Variants in LSAMP observed in about 807,000 individuals in gnomAD.
LSAMP encodes the protein limbic system-associated membrane protein.
A neutral mutation model predicts 38.6 loss-of-function variants in LSAMP; 7 were observed. The observed-to-expected ratio is 0.18, with a 90% CI of 0.10 to 0.34. LSAMP has a LOEUF of 0.34. LSAMP is among the 10% of genes least tolerant of loss of function. LSAMP has a pLI of 1.00. For synonymous variants in LSAMP, 154 were observed against 166.8 expected, an observed-to-expected ratio of 0.92 and a Z score of 0.59; for missense variants, 313 against 420.0, an observed-to-expected ratio of 0.75 and a Z score of 2.23.
chr3:115,869,270 G>A (rs1935952176), intron 3 of LSAMP, among the ~76,000 whole-genome samples: 3 of 90,362 alleles, frequency 3.3e-5, no homozygotes, highest in Admixed American at 1.1e-4. Context: ...CTTGGAGGGG[G>A]AGAGAGAGAG....
In LSAMP at chr3:116,139,782, A is replaced by T. The variant is rs544271336; in HGVS notation, c.156-53226T>A. Among the ~76,000 whole-genome samples, 4 of 152,124 alleles carry T rather than the reference A, an allele frequency of 2.6e-5. No homozygotes were observed. The South Asian group carries it at 8.3e-4, about 31-fold the overall frequency. On this transcript the variant is annotated intron_variant, in intron 1 of 6. Transcript: ENST00000490035. ...GAATGGGAAAGATGCAGCTAGAGACAACAAACTGCTCTCTGTTCTTTTGCT... is the reference window on the plus strand; with the variant it reads ...GAATGGGAAAGATGCAGCTAGAGACTACAAACTGCTCTCTGTTCTTTTGCT...
intron 2 of LSAMP, among the ~76,000 whole-genome samples, chr3:116,051,547 A>C (rs1342182826): frequency 1.3e-5 from 2 of 152,104 alleles, no homozygotes; most frequent in Non-Finnish European, 2.9e-5. Context: ...AACAACCCTT[A>C]CTTTGGAGAG....
In LSAMP at chr3:116,204,010, C is replaced by T. The variant is rs1263840082; in HGVS notation, c.156-117454G>A. ...AACAATGGTTGAACTAGTTTACAGT[C>T]CCACCAACAGTGTAAAAGTGTTCCT... On this transcript the variant is annotated intron_variant, in intron 1 of 6. Transcript: ENST00000490035. 4.6e-5 allele frequency among the ~76,000 whole-genome samples: 7 copies of T among 151,912 alleles called. No individual in the cohort carries two copies. The East Asian group carries it at 1.4e-3, about 30-fold the overall frequency.
At chr3:116,115,187 T>C (rs1370227414) in intron 1 of LSAMP, among the ~76,000 whole-genome samples, 1 of 152,248 alleles carries the variant, frequency 6.6e-6, no homozygotes, top group Admixed American at 6.5e-5. Flanking sequence ...TTACTTTCAA[T>C]GCAGAATGAA....
chr3:115,977,769 T>G (rs1939233909), intron 3 of LSAMP, among the ~76,000 whole-genome samples: 1 of 151,432 alleles, frequency 6.6e-6, no homozygotes, highest in Admixed American at 6.6e-5. Context: ...TTCCTCTGTC[T>G]CTCTTTTTCT....
At position 115,842,484 on chromosome 3, in the gene LSAMP, G is replaced by T; in HGVS notation, c.744C>A (p.Asp248Glu). The T allele has an allele frequency of 6.2e-7, 1 of 1,614,002 alleles. No homozygotes were observed. ...KCEASAVPAP[D>E]FEWYRDDTRI... Reference sequence around the variant, plus strand: ...TAGTGTCATCCCGGTACCACTCAAAGTCAGGTGCAGGCACTGCCGAGGCCT... The same window carrying T: ...TAGTGTCATCCCGGTACCACTCAAATTCAGGTGCAGGCACTGCCGAGGCCT... The change falls in exon 5 of 7, where the codon GAC becomes GAA. Residue 248 changes from aspartate (D) to glutamate (E), a missense_variant. Asp to Glu is a conservative substitution (Grantham distance 45). Coordinates refer to ENST00000490035, the MANE Select transcript of LSAMP (RefSeq NM_002338.5).
At chr3:116,178,287 C>T (rs1278401947) in intron 1 of LSAMP, among the ~76,000 whole-genome samples, 2 of 152,130 alleles carry the variant, frequency 1.3e-5, no homozygotes, top group Non-Finnish European at 2.9e-5. Context: ...CTGCCTCAGC[C>T]TCCCGAGAAC....
At chr3:115,930,003 T>TTTTTTTTG in intron 3 of LSAMP, among the ~76,000 whole-genome samples, 1 of 7,498 alleles carries the variant, frequency 1.3e-4, no homozygotes, top group Non-Finnish European at 4.0e-4. Context: ...TTAGCAGAAG[T>TTTTTTTTG]TTTTTTTTTT....
At chr3:116,187,735 C>T (rs1323989364) in intron 1 of LSAMP, among the ~76,000 whole-genome samples, 1 of 152,176 alleles carries the variant, frequency 6.6e-6, no homozygotes, top group Non-Finnish European at 1.5e-5. Flanking sequence ...AAAGGTATAT[C>T]ACATTCTGAT....
intron 6 of LSAMP, among the ~76,000 whole-genome samples, chr3:115,821,172 G>A (rs988532713): frequency 2.0e-5 from 3 of 152,032 alleles, no homozygotes; most frequent in Non-Finnish European, 2.9e-5. Context: ...AAAAATTCAA[G>A]TGAGTGTTGC....
At chr3:116,158,469 A>G (rs72961517) in intron 1 of LSAMP, among the ~76,000 whole-genome samples, 5,218 of 152,236 alleles carry the variant, frequency 0.034, 232 homozygotes, top group African/African-American at 0.1. Context: ...CCCAAAGTTT[A>G]CTTTATCTGA....
chr3:116,142,900 C>T (rs1709404115), intron 1 of LSAMP, among the ~76,000 whole-genome samples: 1 of 151,790 alleles, frequency 6.6e-6, no homozygotes, highest in Non-Finnish European at 1.5e-5. Context: ...AAGTTTGTGT[C>T]CTCGTTCATA....
At chr3:116,099,166 A>G (rs955900407) in intron 1 of LSAMP, among the ~76,000 whole-genome samples, 3 of 152,250 alleles carry the variant, frequency 2.0e-5, no homozygotes, top group African/African-American at 7.2e-5. Context: ...CAGATGCTTC[A>G]GGATGAAGGT....
At chr3:116,123,607 G>T (rs1238371530) in intron 1 of LSAMP, among the ~76,000 whole-genome samples, 1 of 152,162 alleles carries the variant, frequency 6.6e-6, no homozygotes, top group Non-Finnish European at 1.5e-5. Flanking sequence ...TAAAACCATT[G>T]TGAATCAAAA....
At chr3:116,248,266 A>C (rs1386557554) in intron 1 of LSAMP, among the ~76,000 whole-genome samples, 1 of 152,146 alleles carries the variant, frequency 6.6e-6, no homozygotes, top group Non-Finnish European at 1.5e-5. Flanking sequence ...ACCTTTCAGG[A>C]CCTTGAAGGA....
intron 1 of LSAMP, among the ~76,000 whole-genome samples, chr3:116,243,620 G>T (rs1251718729): frequency 6.6e-6 from 1 of 152,102 alleles, no homozygotes; most frequent in Non-Finnish European, 1.5e-5. Context: ...GAGAACTCAA[G>T]AATTCTTATG....
intron 1 of LSAMP, among the ~76,000 whole-genome samples, chr3:116,238,174 A>C (rs924522774): frequency 5.3e-5 from 8 of 152,160 alleles, no homozygotes; most frequent in Non-Finnish European, 1.0e-4. Context: ...ATCAATCCTC[A>C]TAGGATCCCC....
chr3:116,071,518 A>G (rs968159150), intron 2 of LSAMP, among the ~76,000 whole-genome samples: 10 of 152,218 alleles, frequency 6.6e-5, no homozygotes, highest in African/African-American at 2.4e-4. Context: ...ATGAGTACAT[A>G]TGATATATTG....
In LSAMP at chr3:116,107,210, C is replaced by T. The variant is rs13069061; in HGVS notation, c.156-20654G>A. On this transcript the variant is annotated intron_variant, in intron 1 of 6. Transcript: ENST00000490035. ...TAATGTGGGAGGCTGGATTGAAGTC[C>T]GGGCCAGGAACAATGGTAATTGTGG... Among the ~76,000 whole-genome samples the T allele has an allele frequency of 2.6e-4, 40 of 152,126 alleles. No homozygotes were observed. The East Asian group carries it at 6.8e-3, about 26-fold the overall frequency.
Sources: allele counts gnomAD v4.1 joint callset (sites outside exome capture counted in the v4.1 genomes callset), GRCh38; gene constraint gnomAD v4.1.1; transcripts MANE v1.5; gene names NCBI Gene and HGNC (gene_info 2026-07-23, HGNC 2026-07-21).